Variants in MAGI3 observed in about 807,000 individuals in gnomAD.
The protein encoded by MAGI3 is membrane associated guanylate kinase, WW and PDZ domain containing 3.
MAGI3 carries 43 observed loss-of-function variants against 121.8 expected under a neutral mutation model. The ratio of observed to expected loss-of-function variants is 0.35; its 90% CI spans 0.28 to 0.46. The LOEUF is 0.46. Ranked by LOEUF, MAGI3 falls within the 20% of genes least tolerant of loss-of-function variation. MAGI3 has a pLI of 1.00. For synonymous variants in MAGI3, 553 were observed against 639.3 expected (o/e 0.86, Z 2.04); for missense variants, 1,547 against 1,797.3 (o/e 0.86, Z 2.52).
chr1:113,509,105 T>C (rs1657484114), intron 1 of MAGI3, among the ~76,000 whole-genome samples: 1 of 152,202 alleles, frequency 6.6e-6, no homozygotes, highest in Non-Finnish European at 1.5e-5. Flanking sequence ...CAGCTTGATA[T>C]AAGGGTTTGT....
intron 1 of MAGI3, among the ~76,000 whole-genome samples, chr1:113,457,494 A>G (rs1415725210): frequency 6.6e-6 from 1 of 152,198 alleles, no homozygotes; most frequent in African/African-American, 2.4e-5. Flanking sequence ...AATGGAGGTC[A>G]TGTGCTGCCC....
chr1:113,659,372 CTG>C (rs35373114), intron 16 of MAGI3, 107 bp downstream of exon 16: 264,514 of 999,530 alleles, frequency 0.26, 38,708 homozygotes, highest in South Asian at 0.36. Flanking sequence ...GGGGATATAA[CTG>C]TGTATGCACG....
At chr1:113,589,594 A>G (rs1322086571) in intron 4 of MAGI3, among the ~76,000 whole-genome samples, 1 of 152,108 alleles carries the variant, frequency 6.6e-6, no homozygotes, top group Non-Finnish European at 1.5e-5. Context: ...AGTGAAAGGT[A>G]GTAAATAGTA....
chr1:113,451,390 TAAAG>T (rs1017029994), intron 1 of MAGI3, among the ~76,000 whole-genome samples: 10 of 152,292 alleles, frequency 6.6e-5, no homozygotes, highest in African/African-American at 1.2e-4. Flanking sequence ...TTATATATGT[TAAAG>T]AAAATAATCA....
intron 2 of MAGI3, among the ~76,000 whole-genome samples, chr1:113,565,857 A>G (rs1660416841): frequency 6.6e-6 from 1 of 152,154 alleles, no homozygotes; most frequent in South Asian, 2.1e-4. Context: ...ACTCTCCCAC[A>G]TGCTTCTGTC....
In MAGI3 at chr1:113,549,561, T is replaced by G; in HGVS notation, c.363T>G (p.Phe121Leu). 3 of 1,611,164 alleles carry G rather than the reference T, an allele frequency of 1.9e-6. No individual in the cohort carries two copies. Among genetic ancestry groups the G allele is most frequent in the South Asian group, 1.1e-5 (1 of 90,222 alleles). Residue 121 changes from phenylalanine to leucine, a missense_variant, in exon 2 of 21, where the codon TTT (phenylalanine) becomes TTG (leucine). By Grantham distance (22) the Phe-to-Leu change is conservative. Transcript: ENST00000307546. ...KDLRHYLSLQ[F>L]QKGSIDHKLQ... ...TGCGGCATTACCTAAGTCTTCAGTT[T>G]CAAAAAGGATCAATTGACCACAAAC...
intron 2 of MAGI3, among the ~76,000 whole-genome samples, chr1:113,567,003 T>A (rs1296368439): frequency 4.0e-5 from 6 of 150,662 alleles, no homozygotes; most frequent in Admixed American, 1.3e-4. Flanking sequence ...AACCAGGAGT[T>A]GTTTTTTTTT....
chr1:113,635,984 T>C (rs1453743553), intron 9 of MAGI3, among the ~76,000 whole-genome samples: 1 of 152,196 alleles, frequency 6.6e-6, no homozygotes, highest in Non-Finnish European at 1.5e-5. Context: ...AATGTATCCA[T>C]TTCTTCTAGA....
At chr1:113,539,907 A>G (rs1282244930) in intron 1 of MAGI3, among the ~76,000 whole-genome samples, 6 of 151,152 alleles carry the variant, frequency 4.0e-5, no homozygotes, top group Non-Finnish European at 8.8e-5. Context: ...TCCCTCTTCA[A>G]CCTCCCAGGT....
At chr1:113,644,561 A>G (rs1488691609) in intron 11 of MAGI3, among the ~76,000 whole-genome samples, 1 of 152,176 alleles carries the variant, frequency 6.6e-6, no homozygotes, top group Non-Finnish European at 1.5e-5. Flanking sequence ...GATTACAGGC[A>G]TGATACACCA....
intron 2 of MAGI3, among the ~76,000 whole-genome samples, chr1:113,575,927 C>T (rs1456065133): frequency 2.0e-5 from 3 of 152,088 alleles, no homozygotes; most frequent in South Asian, 2.1e-4. Context: ...TGGCCACAGC[C>T]GTTTTTCTGC....
rs115332880 is a variant in MAGI3, at chr1:113,557,636, C to T, written c.433+8005C>T. On this transcript the variant is annotated intron_variant, in intron 2 of 20. Coordinates refer to ENST00000307546, the MANE Select transcript of MAGI3 (RefSeq NM_001142782.2). ...CACCTTGGCCGTTTGGGCTCGTCAA[C>T]GGGTCCAACCTGTAGGCCTTGGAGA... 6.9e-3 allele frequency among the ~76,000 whole-genome samples: 1,054 copies of T among 152,276 alleles called. 14 individuals carry two copies. Among genetic ancestry groups the T allele is most frequent in the African/African-American group, 0.023 (964 of 41,548 alleles).
At position 113,461,539 on chromosome 1, in the gene MAGI3, G is replaced by A. The variant is rs1206236108; in HGVS notation, c.316+70190G>A. Among the ~76,000 whole-genome samples, 3 of 152,154 alleles carry A rather than the reference G, an allele frequency of 2.0e-5. No homozygotes were observed. In the East Asian group the frequency reaches 5.8e-4, roughly 29 times the overall value. ...TAGCCATATGCAGAAGATTGAAGCT[G>A]GATCCCTTCCTTGCACCATATATAA... On this transcript the variant is annotated intron_variant, in intron 1 of 20. Transcript: ENST00000307546.
At chr1:113,610,770 C>T (rs1429389272) in intron 6 of MAGI3, among the ~76,000 whole-genome samples, 1 of 151,984 alleles carries the variant, frequency 6.6e-6, no homozygotes, top group African/African-American at 2.4e-5. Flanking sequence ...ACCCTGTCTA[C>T]TAAAATACAA....
intron 15 of MAGI3, among the ~76,000 whole-genome samples, chr1:113,657,862 T>C (rs920429577): frequency 6.6e-6 from 1 of 152,246 alleles, no homozygotes; most frequent in Admixed American, 6.5e-5. Context: ...TACTCTATTT[T>C]AAGATAAAAT....
In MAGI3 at chr1:113,436,811, C is replaced by CTT. The variant is rs1026496354; in HGVS notation, c.316+45481_316+45482dup. Among the ~76,000 whole-genome samples the CTT allele has an allele frequency of 1.9e-3, 233 of 124,108 alleles. 1 individual carries two copies. The highest frequency in any genetic ancestry group is 2.7e-3 in the African/African-American group (90 of 33,436). The allele number at this position is 124,108 out of a possible 152,430, so 81.4% of individuals were successfully genotyped here. A position where few individuals can be genotyped will look rare whatever the true frequency, so the allele number is the denominator to read the frequency against. ...TTTTTTTCCAAATTTTAAAGACAGT[C>CTT]TTTTTTTTTTTTTTTTTTTTGAGAC... On this transcript the variant is annotated intron_variant, in intron 1 of 20. Transcript: ENST00000307546.
At chr1:113,505,512 T>TA (rs1553193286) in intron 1 of MAGI3, among the ~76,000 whole-genome samples, 1 of 135,610 alleles carries the variant, frequency 7.4e-6, no homozygotes, top group African/African-American at 2.8e-5. Context: ...GGTCCCTACA[T>TA]AATAAATAAA....
chr1:113,683,140 TGAGTAA>T lies in MAGI3; in HGVS notation c.3576_3581del (p.Ser1192_Lys1193del). 6.2e-7 allele frequency: 1 copy of T among 1,612,544 alleles called. No individual in the cohort carries two copies. The highest frequency in any genetic ancestry group is 2.2e-5 in the East Asian group (1 of 44,882). On this transcript the variant is annotated inframe_deletion, in exon 21 of 21. Transcript: ENST00000307546. The stretch of plus-strand genomic sequence containing the variant: ...CATCAGTCTCTTCTCCAGAAAAATG[TGAGTAA>T]GAGGGATCCACCCAGCAGTCATGGG...
At chr1:113,541,312 C>T (rs534683317) in intron 1 of MAGI3, among the ~76,000 whole-genome samples, 97 of 152,302 alleles carry the variant, frequency 6.4e-4, no homozygotes, top group Non-Finnish European at 1.1e-3. Context: ...GTAATATAGA[C>T]GAAGAATGTG....
Sources: gnomAD v4.1 joint callset for allele counts (sites outside exome capture counted in the v4.1 genomes callset) on GRCh38, gnomAD v4.1.1 for gene constraint, MANE v1.5 for transcripts, NCBI Gene and HGNC (gene_info 2026-07-23, HGNC 2026-07-21) for gene names.